B3GALT1: variants seen among roughly 807,000 people sequenced by gnomAD.
B3GALT1 encodes UDP-Gal:betaGlcNAc beta 1,3-galactosyltransferase, polypeptide 1.
A neutral mutation model predicts 23.2 loss-of-function variants in B3GALT1; 10 were observed. That is an observed-to-expected ratio of 0.43 (90% CI 0.27 to 0.73). The LOEUF (loss-of-function observed/expected upper bound fraction) is 0.73. B3GALT1 is among the 30% of genes least tolerant of loss of function. The pLI is 0.21. For synonymous variants in B3GALT1, 156 were observed against 141.5 expected (o/e 1.10, Z -0.73); for missense variants, 299 against 405.4 (o/e 0.74, Z 2.25).
At chr2:167,586,843 CA>C (rs1351857797) in intron 2 of B3GALT1, among the ~76,000 whole-genome samples, 1 of 151,960 alleles carries the variant, frequency 6.6e-6, no homozygotes, top group Non-Finnish European at 1.5e-5. Context: ...CGTGCCTATT[CA>C]AAAGAAACTA....
intron 4 of B3GALT1, among the ~76,000 whole-genome samples, chr2:167,826,693 C>T (rs905759982): frequency 2.6e-5 from 4 of 152,126 alleles, no homozygotes; most frequent in Non-Finnish European, 5.9e-5. Flanking sequence ...ACAGGTTCCA[C>T]ATCTGAGGCC....
At chr2:167,709,850 A>C (rs1018792600) in intron 3 of B3GALT1, among the ~76,000 whole-genome samples, 30 of 152,196 alleles carry the variant, frequency 2.0e-4, no homozygotes, top group African/African-American at 7.2e-4. Flanking sequence ...TTATGAAATG[A>C]GACAAATATT....
chr2:167,716,336 G>C (rs187727279), intron 3 of B3GALT1, among the ~76,000 whole-genome samples: 41 of 152,226 alleles, frequency 2.7e-4, no homozygotes, highest in Middle Eastern at 6.8e-3. Flanking sequence ...CTTAGTTCTG[G>C]CAGTTTTCAC....
chr2:167,714,515 G>A lies in B3GALT1; in HGVS notation c.-352+67549G>A, dbSNP rs191254056. ...ACCCAACGGTGAGGGACCATATGGCGAACGCTCTCTGCCAAATGTTGTATT... is the reference window on the plus strand; with the variant it reads ...ACCCAACGGTGAGGGACCATATGGCAAACGCTCTCTGCCAAATGTTGTATT... On this transcript the variant is annotated intron_variant, in intron 3 of 4. Coordinates refer to ENST00000392690, the MANE Select transcript of B3GALT1 (RefSeq NM_020981.4). The A allele has an allele frequency of 7.3e-3, 11,779 of 1,611,482 alleles. 54 individuals carry two copies. Among genetic ancestry groups the A allele is most frequent in the Middle Eastern group, 8.1e-3 (49 of 6,052 alleles).
At chr2:167,328,619 T>C (rs1696929982) in intron 1 of B3GALT1, among the ~76,000 whole-genome samples, 1 of 152,110 alleles carries the variant, frequency 6.6e-6, no homozygotes, top group African/African-American at 2.4e-5. Context: ...CTCTAGCTAA[T>C]GGTTTATTAA....
At chr2:167,542,931 T>A (rs1337482716) in intron 2 of B3GALT1, among the ~76,000 whole-genome samples, 1 of 152,098 alleles carries the variant, frequency 6.6e-6, no homozygotes, top group Non-Finnish European at 1.5e-5. Context: ...CTAGAACATT[T>A]TGAAGTGTGA....
At chr2:167,442,559 A>G (rs1437102696) in intron 1 of B3GALT1, among the ~76,000 whole-genome samples, 2 of 151,690 alleles carry the variant, frequency 1.3e-5, no homozygotes. Context: ...TGACTTTTGA[A>G]TGATTGCCAT....
At chr2:167,673,319 T>C (rs889743533) in intron 3 of B3GALT1, among the ~76,000 whole-genome samples, 1 of 152,022 alleles carries the variant, frequency 6.6e-6, no homozygotes, top group Non-Finnish European at 1.5e-5. Flanking sequence ...ATGTGCAGAA[T>C]AAAAAATTGA....
chr2:167,668,852 A>T (rs1256606578), intron 3 of B3GALT1, among the ~76,000 whole-genome samples: 1 of 151,856 alleles, frequency 6.6e-6, no homozygotes, highest in Non-Finnish European at 1.5e-5. Context: ...ACTGTCTGGC[A>T]CTCCCTAGTG....
At chr2:167,581,217 G>A (rs1025687432) in intron 2 of B3GALT1, among the ~76,000 whole-genome samples, 2 of 152,104 alleles carry the variant, frequency 1.3e-5, no homozygotes, top group African/African-American at 4.8e-5. Context: ...TTAAAAGACT[G>A]CCCATGTCCA....
In B3GALT1 at chr2:167,758,219, G is replaced by A. The variant is rs76674727; in HGVS notation, c.-351-60453G>A. ...ATATCCCAGGAGTCTCTTTTAGAGA[G>A]CTCTCTGATAGATAGGCCAGCCCAG... On this transcript the variant is annotated intron_variant, in intron 3 of 4. Coordinates refer to ENST00000392690, the MANE Select transcript of B3GALT1 (RefSeq NM_020981.4). 1.8e-3 allele frequency among the ~76,000 whole-genome samples: 277 copies of A among 152,186 alleles called. 2 individuals are homozygous for A. The highest frequency in any genetic ancestry group is 6.2e-3 in the African/African-American group (258 of 41,512).
intron 3 of B3GALT1, among the ~76,000 whole-genome samples, chr2:167,718,380 T>C (rs543783288): frequency 6.6e-6 from 1 of 152,260 alleles, no homozygotes; most frequent in South Asian, 2.1e-4. Context: ...GATATAAATA[T>C]GTTAGTGTCA....
At chr2:167,554,122 A>G (rs1200373770) in intron 2 of B3GALT1, among the ~76,000 whole-genome samples, 1 of 152,146 alleles carries the variant, frequency 6.6e-6, no homozygotes, top group African/African-American at 2.4e-5. Context: ...CCACCTGCAA[A>G]CTGTATGACT....
At chr2:167,756,624 C>A (rs1045406959) in intron 3 of B3GALT1, among the ~76,000 whole-genome samples, 1 of 152,206 alleles carries the variant, frequency 6.6e-6, no homozygotes, top group Admixed American at 6.5e-5. Context: ...ACTTGCGGAC[C>A]AAACTAGTGA....
chr2:167,769,320 T>A (rs1688032073), intron 3 of B3GALT1, among the ~76,000 whole-genome samples: 1 of 152,190 alleles, frequency 6.6e-6, no homozygotes, highest in Admixed American at 6.5e-5. Flanking sequence ...ACACCTTCCA[T>A]GCTTCACCAA....
In B3GALT1 at chr2:167,746,982, T is replaced by C. The variant is rs550008128; in HGVS notation, c.-351-71690T>C. 7.2e-4 allele frequency among the ~76,000 whole-genome samples: 110 copies of C among 152,334 alleles called. 1 individual carries two copies. The highest frequency in any genetic ancestry group is 2.5e-3 in the African/African-American group (103 of 41,576). Reference sequence around the variant, plus strand: ...ATAATTCTTTTGTGCCCTATGTTGCTGCCCTTTTTCGCTCCCTTTCTGCTT... The same window carrying C: ...ATAATTCTTTTGTGCCCTATGTTGCCGCCCTTTTTCGCTCCCTTTCTGCTT... On this transcript the variant is annotated intron_variant, in intron 3 of 4. Transcript: ENST00000392690.
At chr2:167,296,953 A>G (rs1004017803) in intron 1 of B3GALT1, among the ~76,000 whole-genome samples, 1 of 152,156 alleles carries the variant, frequency 6.6e-6, no homozygotes, top group Non-Finnish European at 1.5e-5. Context: ...TCTTGAACTT[A>G]TATGTCCCCA....
chr2:167,459,995 C>A (rs1185420751), intron 1 of B3GALT1, among the ~76,000 whole-genome samples: 5 of 147,418 alleles, frequency 3.4e-5, no homozygotes, highest in African/African-American at 1.3e-4. Context: ...CATTGAGAAT[C>A]CCTGTATGTG....
rs1049034025 is a variant in B3GALT1 at position 167,871,873 on chromosome 2, A to AC, written c.*1855dup. On this transcript the variant is annotated 3_prime_UTR_variant, in exon 5 of 5. Coordinates refer to ENST00000392690, the MANE Select transcript of B3GALT1 (RefSeq NM_020981.4). ...GAAAGCCCCACAGCTGAAAGAGTGT[A>AC]CCTTTTTTATTTATTTACTTTTTTT... 33 of 135,476 alleles carry AC rather than the reference A, an allele frequency of 2.4e-4. No homozygotes were observed. The highest frequency in any genetic ancestry group is 9.0e-4 in the African/African-American group (33 of 36,534). 8.4% of individuals were successfully genotyped at this position (135,476 alleles called of 1,614,324 possible).
Sources: allele counts gnomAD v4.1 joint callset (sites outside exome capture counted in the v4.1 genomes callset), GRCh38; gene constraint gnomAD v4.1.1; transcripts MANE v1.5; gene names NCBI Gene and HGNC (gene_info 2026-07-23, HGNC 2026-07-21).